Variants in CPNE1 observed in about 807,000 individuals in gnomAD.
CPNE1 encodes copine-1.
In CPNE1, 58 loss-of-function variants were observed where a neutral mutation model predicts 63.2. The observed-to-expected ratio is 0.92, with a 90% CI of 0.74 to 1.14. The LOEUF is 1.14. Among genes scored for constraint, CPNE1 ranks in the 50% most tolerant of loss-of-function variants. The pLI, the probability that CPNE1 is intolerant of heterozygous loss-of-function variation, is 0.00. For synonymous variants in CPNE1, 237 were observed against 249.0 expected (o/e 0.95, Z 0.45); for missense variants, 672 against 661.7 (o/e 1.02, Z -0.17).
At chr20:35,645,584 T>C (rs2033054249) in intron 1 of CPNE1, among the ~76,000 whole-genome samples, 1 of 152,236 alleles carries the variant, frequency 6.6e-6, no homozygotes, top group South Asian at 2.1e-4. Flanking sequence ...TAGTATGAGA[T>C]ACAGCTATGG....
Position 35,626,233 on chromosome 20 carries a change from A to G in CPNE1, c.*8T>C. On this transcript the variant is annotated 3_prime_UTR_variant, in exon 16 of 16. Transcript: ENST00000397443. ...GGATTGAGGACTTGCCACAGCCTCC[A>G]AGGGAACCTAGGCCTGGGGGGCCTG... The G allele has an allele frequency of 1.9e-6, 3 of 1,614,134 alleles. No homozygotes were observed. The highest frequency in any genetic ancestry group is 2.5e-6 in the Non-Finnish European group (3 of 1,180,002).
In CPNE1 at chr20:35,661,617, T is replaced by C. The variant is rs989089324; in HGVS notation, c.-1+3143A>G. Reference sequence around the variant, plus strand: ...AAAGGCTTGCTTCAACTTGACAAAATACCGGATGCATGCACAAATCACAAG... The same window carrying C: ...AAAGGCTTGCTTCAACTTGACAAAACACCGGATGCATGCACAAATCACAAG... On this transcript the variant is annotated intron_variant, in intron 1 of 15. Coordinates refer to ENST00000397443, the MANE Select transcript of CPNE1 (RefSeq NM_152925.3). Among the ~76,000 whole-genome samples, 4 of 152,282 alleles carry C rather than the reference T, an allele frequency of 2.6e-5. No homozygotes were observed. The East Asian group carries it at 7.7e-4, about 29-fold the overall frequency.
chr20:35,661,825 TTAAC>T (rs971415867), intron 1 of CPNE1, among the ~76,000 whole-genome samples: 1 of 152,214 alleles, frequency 6.6e-6, no homozygotes, highest in African/African-American at 2.4e-5. Context: ...AAAGTGAACT[TTAAC>T]TTTGTTCAGT....
intron 8 of CPNE1, 55 bp downstream of exon 8, chr20:35,631,437 A>T (rs958525154): frequency 6.2e-7 from 1 of 1,603,042 alleles, no homozygotes; most frequent in Non-Finnish European, 8.5e-7. Context: ...CCTCTCTCCC[A>T]CAAGCTTCAG....
At chr20:35,652,817 C>T in intron 1 of CPNE1, 1 of 1,606,558 alleles carries the variant, frequency 6.2e-7, no homozygotes, top group Non-Finnish European at 8.5e-7. Context: ...TGGATTGGGC[C>T]AGGGCCGGGG....
At chr20:35,640,383 T>C (rs2032734353) in intron 1 of CPNE1, among the ~76,000 whole-genome samples, 1 of 152,194 alleles carries the variant, frequency 6.6e-6, no homozygotes, top group Non-Finnish European at 1.5e-5. Context: ...ATTAACGCCA[T>C]GGACTTTCAA....
At chr20:35,628,239 C>G (rs537767907) in intron 13 of CPNE1, among the ~76,000 whole-genome samples, 1 of 151,494 alleles carries the variant, frequency 6.6e-6, no homozygotes, top group African/African-American at 2.4e-5. Flanking sequence ...GAGCCAAGAT[C>G]GCGCCACCGC....
At chr20:35,630,832 G>A (rs756538392) in intron 11 of CPNE1, 37 bp from the exon 12 acceptor site, 1 of 1,608,228 alleles carries the variant, frequency 6.2e-7, no homozygotes, top group South Asian at 1.1e-5. Flanking sequence ...AAGGCAGTGA[G>A]GGGACTGTAA....
chr20:35,629,118 T>C (rs1397876867), intron 13 of CPNE1, among the ~76,000 whole-genome samples: 1 of 152,176 alleles, frequency 6.6e-6, no homozygotes, highest in East Asian at 1.9e-4. Context: ...ACTGTATACA[T>C]GTATGAGAAA....
chr20:35,643,414 G>A (rs1009420431), intron 1 of CPNE1: 6 of 152,196 alleles, frequency 3.9e-5, no homozygotes, highest in African/African-American at 1.4e-4. Context: ...TCTCTGCCCA[G>A]AGACTCTGAA....
intron 1 of CPNE1, chr20:35,652,974 C>T (rs943635481): frequency 2.6e-5 from 42 of 1,613,794 alleles, no homozygotes; most frequent in South Asian, 4.4e-5. Flanking sequence ...CTCCAAATCC[C>T]GATGGCCCAC....
chr20:35,630,710 A>T (rs1453231243), intron 12 of CPNE1, 31 bp downstream of exon 12: 1 of 1,612,170 alleles, frequency 6.2e-7, no homozygotes, highest in Non-Finnish European at 8.5e-7. Context: ...TGAAACTGAA[A>T]ACAGGAGTGG....
rs1302014147 is a variant in CPNE1 at position 35,630,991 on chromosome 20, G to C, written c.905C>G (p.Pro302Arg). ...FTGSNGDPSS[P>R]DSLHYLSPTG... is the part of the protein sequence containing the mutation. ...TGGACTCAGGTAGTGTAGGGAGTCA[G>C]GTGAGGAGGGGTCTCCATTGGAGCC... The change falls in exon 11 of 16, where the codon CCT becomes CGT. Residue 302 changes from proline (P) to arginine (R), a missense_variant. Pro to Arg is a moderately radical substitution (Grantham distance 103, BLOSUM62 -2). Transcript: ENST00000397443. 6.2e-7 allele frequency: 1 copy of C among 1,614,032 alleles called. No homozygotes were observed. Among genetic ancestry groups the C allele is most frequent in the Admixed American group, 1.7e-5 (1 of 59,996 alleles).
chr20:35,648,138 T>C (rs978508084), intron 1 of CPNE1, among the ~76,000 whole-genome samples: 1 of 152,086 alleles, frequency 6.6e-6, no homozygotes, highest in African/African-American at 2.4e-5. Context: ...ACAGGGGTTT[T>C]CCCAGAAAAG....
intron 1 of CPNE1, chr20:35,652,286 T>A: frequency 2.2e-6 from 1 of 445,876 alleles, no homozygotes; most frequent in Non-Finnish European, 4.0e-6. Flanking sequence ...GTTTCTCTAA[T>A]GGTATGCCAA....
intron 11 of CPNE1, 33 bp from the exon 12 acceptor site, chr20:35,630,828 G>A: frequency 6.2e-7 from 1 of 1,608,770 alleles, no homozygotes; most frequent in Non-Finnish European, 8.5e-7. Context: ...GCAAAAGGCA[G>A]TGAGGGGACT....
chr20:35,658,386 C>T (rs2034025599), intron 1 of CPNE1, among the ~76,000 whole-genome samples: 1 of 152,134 alleles, frequency 6.6e-6, no homozygotes, highest in Admixed American at 6.5e-5. Context: ...TAAATAGATC[C>T]ATATAAATGA....
chr20:35,646,359 T>C (rs1245901968), intron 1 of CPNE1, among the ~76,000 whole-genome samples: 1 of 150,358 alleles, frequency 6.7e-6, no homozygotes, highest in Non-Finnish European at 1.5e-5. Flanking sequence ...TGTTATCATT[T>C]GATATGAAGC....
At chr20:35,644,057 T>A (rs965445226) in intron 1 of CPNE1, among the ~76,000 whole-genome samples, 2 of 151,682 alleles carry the variant, frequency 1.3e-5, no homozygotes, top group Non-Finnish European at 2.9e-5. Flanking sequence ...TTACCCCACC[T>A]GTAAAGTAGG....
Sources: gnomAD v4.1 joint callset for allele counts (sites outside exome capture counted in the v4.1 genomes callset) on GRCh38, gnomAD v4.1.1 for gene constraint, MANE v1.5 for transcripts, NCBI Gene and HGNC (gene_info 2026-07-23, HGNC 2026-07-21) for gene names.